The following NET1 variants were observed in gnomAD, a reference collection of about 807,000 sequenced individuals.
NET1 encodes the protein neuroepithelial cell transforming 1, also known as neuroepithelial cell-transforming gene 1 protein.
NET1 carries 42 observed loss-of-function variants against 61.1 expected under a neutral mutation model. That is an observed-to-expected ratio of 0.69 (90% CI 0.54 to 0.89). The LOEUF (loss-of-function observed/expected upper bound fraction) is 0.89. Ranked by LOEUF, NET1 falls within the 40% of genes least tolerant of loss-of-function variation. NET1 has a pLI of 0.00. For synonymous variants in NET1, 254 were observed against 281.8 expected (o/e 0.90, Z 0.99); for missense variants, 654 against 747.3 (o/e 0.88, Z 1.46).
chr10:5,457,645 AC>A lies in NET1; in HGVS notation c.*652del, dbSNP rs1173786223. On this transcript the variant is annotated 3_prime_UTR_variant, in exon 12 of 12. Coordinates refer to ENST00000355029, the MANE Select transcript of NET1 (RefSeq NM_001047160.3). The surrounding 1 kb of genome is among the most constrained non-coding windows in gnomAD (Gnocchi z 5.4). ...TTTTAGCATTTGCTTTTATTTTTTT[AC>A]TTTGATGCCTTTTCAAATTGGCATG... is the stretch of plus-strand genomic sequence containing the variant. 1 of 151,770 alleles carries A rather than the reference AC, an allele frequency of 6.6e-6. No individual in the cohort carries two copies. The highest frequency in any genetic ancestry group is 1.5e-5 in the Non-Finnish European group (1 of 67,828). The allele number at this position is 151,770 out of a possible 1,614,324, so 9.4% of individuals were successfully genotyped here.
rs751660135 is a variant in NET1, at chr10:5,446,869, A to G, written c.256-4961A>G. ...TTCAGAGAACAAGAGGTAAGACTTT[A>G]AGAGAAACGTTAGGCAAAAGGAATG... On this transcript the variant is annotated intron_variant, in intron 3 of 11. Coordinates refer to ENST00000355029, the MANE Select transcript of NET1 (RefSeq NM_001047160.3). This position sits in a 1 kb window ranked among gnomAD's most constrained non-coding sequence, Gnocchi z 5.0. 4 of 1,595,972 alleles carry G rather than the reference A, an allele frequency of 2.5e-6. No individual in the cohort carries two copies. Among genetic ancestry groups the G allele is most frequent in the Non-Finnish European group, 3.4e-6 (4 of 1,169,086 alleles).
Position 5,455,763 on chromosome 10 carries a change from A to C in NET1, c.1198-324A>C, listed in dbSNP as rs1832786314. 6.6e-6 allele frequency among the ~76,000 whole-genome samples: 1 copy of C among 152,238 alleles called. No individual in the cohort carries two copies. The highest frequency in any genetic ancestry group is 2.4e-5 in the African/African-American group (1 of 41,458). On this transcript the variant is annotated intron_variant, in intron 10 of 11. Coordinates refer to ENST00000355029, the MANE Select transcript of NET1 (RefSeq NM_001047160.3). This position sits in a 1 kb window ranked among gnomAD's most constrained non-coding sequence, Gnocchi z 6.5. ...TTTTAATCCCTCCTTCGTGTTAGAA[A>C]ACTGTGGTATACAACGCTAGTGTTT...
Position 5,412,892 on chromosome 10 carries a change from T to C in NET1, c.128+72T>C. The C allele has an allele frequency of 9.9e-7, 1 of 1,011,176 alleles. No individual in the cohort carries two copies. Among genetic ancestry groups the C allele is most frequent in the Non-Finnish European group, 1.2e-6 (1 of 845,362 alleles). The allele number at this position is 1,011,176 out of a possible 1,614,324, so 62.6% of individuals were successfully genotyped here. On this transcript the variant is annotated intron_variant, in intron 1 of 11. Coordinates refer to ENST00000355029, the MANE Select transcript of NET1 (RefSeq NM_001047160.3). The surrounding 1 kb of genome is among the most constrained non-coding windows in gnomAD (Gnocchi z 6.5). ...AGCGGAGGGCCGAACGGGAGGTGAG[T>C]GTTGGAGAGGCAAGGGCCGGGGGGA...
intron 3 of NET1, among the ~76,000 whole-genome samples, chr10:5,436,180 TGTGTGTTGTGTGTG>T (rs1311442610): frequency 3.1e-5 from 2 of 64,800 alleles, no homozygotes; most frequent in African/African-American, 1.1e-4. Flanking sequence ...TGTGTGTGTG[TGTGTGTTGTGTGTG>T]TGTGTGTGTG....
At position 5,450,713 on chromosome 10, in the gene NET1, A is replaced by G. The variant is rs572375385; in HGVS notation, c.256-1117A>G. Among the ~76,000 whole-genome samples, 6 of 152,304 alleles carry G rather than the reference A, an allele frequency of 3.9e-5. No homozygotes were observed. The East Asian group carries it at 1.2e-3, about 29-fold the overall frequency. ...TCAGAAGCACAAAATACAAATAGTT[A>G]TGCTCCATAGACATAAAGAATAGAC... On this transcript the variant is annotated intron_variant, in intron 3 of 11. Coordinates refer to ENST00000355029, the MANE Select transcript of NET1 (RefSeq NM_001047160.3).
chr10:5,436,228 A>G (rs1232968654), intron 3 of NET1, among the ~76,000 whole-genome samples: 2 of 14,708 alleles, frequency 1.4e-4, no homozygotes, highest in South Asian at 2.4e-3. Context: ...GTGTGTGCAT[A>G]TATATATATA....
rs1832105076 is a variant in NET1, at chr10:5,417,676, C to T, written c.128+4856C>T. Among the ~76,000 whole-genome samples the T allele has an allele frequency of 6.6e-6, 1 of 152,010 alleles. No individual in the cohort carries two copies. The highest frequency in any genetic ancestry group is 2.4e-5 in the African/African-American group (1 of 41,386). The stretch of plus-strand genomic sequence containing the variant: ...GGATGCCCTTTACTTTTTTCTCTTT[C>T]CTAATTGCCCTGGGTAGGGCCTCCT... On this transcript the variant is annotated intron_variant, in intron 1 of 11. Coordinates refer to ENST00000355029, the MANE Select transcript of NET1 (RefSeq NM_001047160.3). This position sits in a 1 kb window ranked among gnomAD's most constrained non-coding sequence, Gnocchi z 5.5.
Position 5,453,358 on chromosome 10 carries a change from C to T in NET1, c.691+12C>T. 6.3e-7 allele frequency: 1 copy of T among 1,588,158 alleles called. No individual in the cohort carries two copies. The highest frequency in any genetic ancestry group is 8.6e-7 in the Non-Finnish European group (1 of 1,156,408). On this transcript the variant is annotated intron_variant, in intron 7 of 11. Transcript: ENST00000355029. The surrounding 1 kb of genome is among the most constrained non-coding windows in gnomAD (Gnocchi z 4.9). Reference sequence around the variant, plus strand: ...ACCTCTGCATGAAGGTTAGATGTGCCACTTAATTGTCATTAAATCTAAAGA... The same window carrying T: ...ACCTCTGCATGAAGGTTAGATGTGCTACTTAATTGTCATTAAATCTAAAGA...
At position 5,452,825 on chromosome 10, in the gene NET1, G is replaced by A; in HGVS notation, c.532-33G>A. 2 of 1,594,808 alleles carry A rather than the reference G, an allele frequency of 1.3e-6. No individual in the cohort carries two copies. The highest frequency in any genetic ancestry group is 2.3e-5 in the South Asian group (2 of 86,726). On this transcript the variant is annotated intron_variant, in intron 5 of 11. Transcript: ENST00000355029. The surrounding 1 kb of genome is among the most constrained non-coding windows in gnomAD (Gnocchi z 4.0). Reference sequence around the variant, plus strand: ...TGTATATAATTTTCCTTTCTCGAAGGAATGACCTCTGATGTTTGCTGGATG... The same window carrying A: ...TGTATATAATTTTCCTTTCTCGAAGAAATGACCTCTGATGTTTGCTGGATG...
intron 3 of NET1, among the ~76,000 whole-genome samples, chr10:5,429,550 C>G (rs1423708540): frequency 6.6e-6 from 1 of 152,060 alleles, no homozygotes; most frequent in Non-Finnish European, 1.5e-5. Flanking sequence ...AAGGAGAGCC[C>G]CAGGTTCTAG....
At chr10:5,433,464 G>T (rs1287541691) in intron 3 of NET1, among the ~76,000 whole-genome samples, 1 of 152,190 alleles carries the variant, frequency 6.6e-6, no homozygotes. Flanking sequence ...AAAGTTTGCT[G>T]ACCCCTGCCC....
At chr10:5,428,699 C>T (rs1332160376) in intron 2 of NET1, among the ~76,000 whole-genome samples, 8 of 136,682 alleles carry the variant, frequency 5.9e-5, no homozygotes, top group South Asian at 2.4e-4. Flanking sequence ...AATTCATGAG[C>T]GTCTCTCCTC....
Position 5,453,174 on chromosome 10 carries a change from C to A in NET1, c.595-76C>A, listed in dbSNP as rs1013431228. ...CACGCTAGCTTTTATGTAATTAATT[C>A]TCTTTGTTTCCAAGTATAGATCCCT... On this transcript the variant is annotated intron_variant, in intron 6 of 11. Transcript: ENST00000355029. This position sits in a 1 kb window ranked among gnomAD's most constrained non-coding sequence, Gnocchi z 4.9. 1 of 890,082 alleles carries A rather than the reference C, an allele frequency of 1.1e-6. No individual in the cohort carries two copies. The highest frequency in any genetic ancestry group is 2.4e-5 in the East Asian group (1 of 41,554). 55.1% of individuals were successfully genotyped at this position (890,082 alleles called of 1,614,324 possible). A position where few individuals can be genotyped will look rare whatever the true frequency, so the allele number is the denominator to read the frequency against.
In NET1 at chr10:5,426,808, C is replaced by A; in HGVS notation, c.195+87C>A. On this transcript the variant is annotated intron_variant, in intron 2 of 11. Transcript: ENST00000355029. This position sits in a 1 kb window ranked among gnomAD's most constrained non-coding sequence, Gnocchi z 4.6. ...TCAGTCTGTTACACAGATCAGTGGT[C>A]CTTACTTCTGAGGGTCTTGAGGAAC... The A allele has an allele frequency of 1.2e-6, 1 of 864,886 alleles. No individual in the cohort carries two copies. The highest frequency in any genetic ancestry group is 1.7e-6 in the Non-Finnish European group (1 of 584,230). 53.6% of individuals were successfully genotyped at this position (864,886 alleles called of 1,614,324 possible).
At position 5,429,079 on chromosome 10, in the gene NET1, A is replaced by G. The variant is rs1832307334; in HGVS notation, c.196-91A>G. On this transcript the variant is annotated intron_variant, in intron 2 of 11. Transcript: ENST00000355029. ...CTATAGCCAAAGGCTTAACTTTTTT[A>G]AATTGATTTTTCTAGTTTTATAGAG... 3.4e-5 allele frequency: 33 copies of G among 960,386 alleles called. No individual in the cohort carries two copies. In the South Asian group the frequency reaches 5.2e-4, roughly 15 times the overall value. The allele number at this position is 960,386 out of a possible 1,614,324, so 59.5% of individuals were successfully genotyped here. A position where few individuals can be genotyped will look rare whatever the true frequency, so the allele number is the denominator to read the frequency against.
chr10:5,439,005 G>A lies in NET1; in HGVS notation c.255+9776G>A, dbSNP rs1246047433. 1.3e-5 allele frequency among the ~76,000 whole-genome samples: 2 copies of A among 152,210 alleles called. No individual in the cohort carries two copies. The highest frequency in any genetic ancestry group is 2.9e-5 in the Non-Finnish European group (2 of 68,042). On this transcript the variant is annotated intron_variant, in intron 3 of 11. Transcript: ENST00000355029. This position sits in a 1 kb window ranked among gnomAD's most constrained non-coding sequence, Gnocchi z 4.8. ...TAGAGTCTTCAGTAAGCATTAACAT[G>A]AGAGACAAGGCTCCTTCCACTTTGT...
At position 5,452,966 on chromosome 10, in the gene NET1, C is replaced by T. The variant is rs1262288309; in HGVS notation, c.594+46C>T. The T allele has an allele frequency of 1.6e-6, 2 of 1,252,528 alleles. No homozygotes were observed. Among genetic ancestry groups the T allele is most frequent in the Admixed American group, 1.7e-5 (1 of 57,244 alleles). The allele number at this position is 1,252,528 out of a possible 1,614,324, so 77.6% of individuals were successfully genotyped here. On this transcript the variant is annotated intron_variant, in intron 6 of 11. Transcript: ENST00000355029. The surrounding 1 kb of genome is among the most constrained non-coding windows in gnomAD (Gnocchi z 4.0). Reference sequence around the variant, plus strand: ...CAGATGCCCTAGTTTTTAAAAATTACATTTCACAAAATCTAAAGGATAGTT... The same window carrying T: ...CAGATGCCCTAGTTTTTAAAAATTATATTTCACAAAATCTAAAGGATAGTT...
intron 3 of NET1, among the ~76,000 whole-genome samples, chr10:5,432,558 G>A (rs557094705): frequency 6.7e-6 from 1 of 149,818 alleles, no homozygotes; most frequent in African/African-American, 2.5e-5. Context: ...CAGCTCATTT[G>A]GTTTTTAAAA....
intron 3 of NET1, among the ~76,000 whole-genome samples, chr10:5,432,574 T>C (rs1360205588): frequency 6.9e-6 from 1 of 145,548 alleles, no homozygotes; most frequent in South Asian, 2.3e-4. Context: ...TAAAAAAAAT[T>C]TTATTGTTTA....
Sources: allele counts gnomAD v4.1 joint callset (sites outside exome capture counted in the v4.1 genomes callset), GRCh38; gene constraint gnomAD v4.1.1; non-coding constraint Gnocchi (gnomAD v3.1); transcripts MANE v1.5; gene names NCBI Gene and HGNC (gene_info 2026-07-23, HGNC 2026-07-21).